The following FBXO9 variants were observed in gnomAD, a reference collection of about 807,000 sequenced individuals.
FBXO9 encodes the protein F-box protein 9, also known as F-box only protein 9.
In FBXO9, 43 loss-of-function variants were observed where a neutral mutation model predicts 63.7. The observed-to-expected ratio is 0.67, with a 90% CI of 0.53 to 0.87. The LOEUF (loss-of-function observed/expected upper bound fraction) is 0.87, where lower values mean the gene tolerates loss of function less well. Among genes scored for constraint, FBXO9 ranks in the 40% least tolerant of loss-of-function variants. The pLI is 0.00. For synonymous variants in FBXO9, 156 were observed against 171.7 expected (o/e 0.91, Z 0.72); for missense variants, 442 against 533.2 (o/e 0.83, Z 1.68).
intron 7 of FBXO9, among the ~76,000 whole-genome samples, chr6:53,090,342 T>C (rs1258505029): frequency 6.6e-6 from 1 of 152,204 alleles, no homozygotes; most frequent in Admixed American, 6.5e-5. Context: ...TTGACAACTT[T>C]CATAGTTATT....
intron 7 of FBXO9, among the ~76,000 whole-genome samples, chr6:53,089,547 A>G (rs1043145242): frequency 6.6e-6 from 1 of 152,234 alleles, no homozygotes; most frequent in African/African-American, 2.4e-5. Context: ...AAAATATTAA[A>G]CTGAATGCAC....
Position 53,093,556 on chromosome 6 carries a change from T to C in FBXO9, c.954T>C (p.Asn318=). 6.2e-7 allele frequency: 1 copy of C among 1,611,288 alleles called. No homozygotes were observed. Among genetic ancestry groups the C allele is most frequent in the African/African-American group, 1.3e-5 (1 of 74,960 alleles). The change falls in exon 10 of 13, where the codon AAT becomes AAC. Residue 318 remains asparagine, a synonymous_variant. Transcript: ENST00000323557. Reference sequence around the variant, plus strand: ...TTGTTCCACGTTTAAGAACTAGGAATACCAGGTAGCATTTGTTTTTTAAAT... The same window carrying C: ...TTGTTCCACGTTTAAGAACTAGGAACACCAGGTAGCATTTGTTTTTTAAAT... The part of the protein sequence containing the change: ...QSIVPRLRTR[N]TRTDAILLGH...
chr6:53,091,582 T>C (rs2127498382), intron 7 of FBXO9: 1 of 152,516 alleles, frequency 6.6e-6, no homozygotes, highest in East Asian at 1.9e-4. Context: ...TTGGCCAGGC[T>C]GGTCTCGACC....
chr6:53,077,249 C>T (rs533582824), intron 4 of FBXO9, among the ~76,000 whole-genome samples: 29 of 151,762 alleles, frequency 1.9e-4, no homozygotes, highest in Non-Finnish European at 3.7e-4. Flanking sequence ...CCGAGGCGGG[C>T]GGATCACGAG....
At chr6:53,092,207 G>T in intron 7 of FBXO9, 1 of 452,362 alleles carries the variant, frequency 2.2e-6, no homozygotes. Flanking sequence ...TTTGTCTGTT[G>T]GTTGATTTTT....
At position 53,078,817 on chromosome 6, in the gene FBXO9, G is replaced by A; in HGVS notation, c.326G>A (p.Arg109Lys). Residue 109 changes from arginine (R) to lysine (K), a missense_variant, in exon 5 of 13, where the codon AGG becomes AAG. Arg to Lys is a conservative substitution (Grantham distance 26, BLOSUM62 2). This residue lies in a region of FBXO9 where 180 missense variants were observed against 171.1 expected (regional missense o/e 1.05). Transcript: ENST00000323557. ...ALYEAIKFYRRAMQLVPDIEF... is the reference protein window; with the variant it reads ...ALYEAIKFYRKAMQLVPDIEF... ...CTTTTAGCCATCAAGTTTTATCGTA[G>A]GGCTATGCAACTTGTACCTGATATA... The A allele has an allele frequency of 6.2e-7, 1 of 1,612,722 alleles. No individual in the cohort carries two copies. The highest frequency in any genetic ancestry group is 1.3e-5 in the African/African-American group (1 of 75,020).
chr6:53,081,463 G>C (rs577716721), intron 6 of FBXO9, among the ~76,000 whole-genome samples: 1 of 152,156 alleles, frequency 6.6e-6, no homozygotes, highest in Admixed American at 6.5e-5. Flanking sequence ...AGTAAAGACA[G>C]AGTTTCACCA....
chr6:53,080,042 A>C (rs1769253539), intron 5 of FBXO9, among the ~76,000 whole-genome samples: 1 of 152,250 alleles, frequency 6.6e-6, no homozygotes, highest in East Asian at 1.9e-4. Context: ...AGTTTTATAA[A>C]TATGTGCCAG....
intron 1 of FBXO9, among the ~76,000 whole-genome samples, chr6:53,067,204 A>G (rs1768735346): frequency 6.6e-6 from 1 of 152,338 alleles, no homozygotes; most frequent in Admixed American, 6.5e-5. Context: ...AGAATGTCAC[A>G]TGAAAAGGGA....
At position 53,095,493 on chromosome 6, in the gene FBXO9, A is replaced by G. The variant is rs376616729; in HGVS notation, c.1054-20A>G. 2 of 1,596,694 alleles carry G rather than the reference A, an allele frequency of 1.3e-6. No homozygotes were observed. Among genetic ancestry groups the G allele is most frequent in the Non-Finnish European group, 1.7e-6 (2 of 1,171,850 alleles). ...GTGAGGTAAGGTTTCATTATAACTTATGCATCTTTTCTTTTGCAGAAACCA... is the reference window on the plus strand; with the variant it reads ...GTGAGGTAAGGTTTCATTATAACTTGTGCATCTTTTCTTTTGCAGAAACCA... On this transcript the variant is annotated intron_variant, in intron 11 of 12. Transcript: ENST00000323557.
rs1763306766 is a variant in FBXO9, at chr6:53,099,949, G to A, written c.*2119G>A. The A allele has an allele frequency of 6.6e-6, 1 of 152,194 alleles. No individual in the cohort carries two copies. 9.4% of individuals were successfully genotyped at this position (152,194 alleles called of 1,614,324 possible). A position where few individuals can be genotyped will look rare whatever the true frequency, so the allele number is the denominator to read the frequency against. On this transcript the variant is annotated 3_prime_UTR_variant, in exon 13 of 13. Coordinates refer to ENST00000323557, the MANE Select transcript of FBXO9 (RefSeq NM_033480.3). ...TATATTCCTAAGGAAAGTGAGATTT[G>A]AGGAGTCCCTGTTGTTCTGCAACAT...
chr6:53,069,193 C>T (rs1768820587), intron 1 of FBXO9, among the ~76,000 whole-genome samples: 1 of 152,140 alleles, frequency 6.6e-6, no homozygotes, highest in Non-Finnish European at 1.5e-5. Flanking sequence ...TATTTTTAGC[C>T]ACCTAACAAT....
chr6:53,080,876 T>C, intron 5 of FBXO9, 92 bp from the exon 6 acceptor site: 1 of 1,466,906 alleles, frequency 6.8e-7, no homozygotes, highest in Admixed American at 2.1e-5. Context: ...TGACTTTTTG[T>C]AAAGCAAATT....
At chr6:53,066,443 A>G (rs1203408725) in intron 1 of FBXO9, among the ~76,000 whole-genome samples, 2 of 152,238 alleles carry the variant, frequency 1.3e-5, no homozygotes, top group East Asian at 3.8e-4. Flanking sequence ...ACTGTTCCAT[A>G]TTGGAATACG....
chr6:53,100,087 CT>C lies in FBXO9; in HGVS notation c.*2263del, dbSNP rs1322731230. On this transcript the variant is annotated 3_prime_UTR_variant, in exon 13 of 13. Transcript: ENST00000323557. Reference sequence around the variant, plus strand: ...TTTAACTTAGAACTGGAAAAAGTAACTTTTTTCCAGATTACATTTTCTGTAT... The same window carrying C: ...TTTAACTTAGAACTGGAAAAAGTAACTTTTTCCAGATTACATTTTCTGTAT... 1 of 152,018 alleles carries C rather than the reference CT, an allele frequency of 6.6e-6. No individual in the cohort carries two copies. The highest frequency in any genetic ancestry group is 1.5e-5 in the Non-Finnish European group (1 of 68,006). The allele number at this position is 152,018 out of a possible 1,614,324, so 9.4% of individuals were successfully genotyped here. A position where few individuals can be genotyped will look rare whatever the true frequency, so the allele number is the denominator to read the frequency against.
intron 12 of FBXO9, among the ~76,000 whole-genome samples, chr6:53,097,185 A>G (rs975841444): frequency 2.0e-5 from 3 of 152,170 alleles, no homozygotes; most frequent in Admixed American, 6.5e-5. Flanking sequence ...TGATCATGCA[A>G]TTATTAAATA....
intron 11 of FBXO9, chr6:53,094,720 A>C: frequency 2.3e-6 from 1 of 432,188 alleles, no homozygotes; most frequent in Non-Finnish European, 4.7e-6. Context: ...TGCGAGTCCT[A>C]TCACCTTGTG....
intron 1 of FBXO9, 189 bp from the exon 2 acceptor site, chr6:53,070,867 CA>C (rs1281622387): frequency 1.2e-6 from 1 of 855,762 alleles, no homozygotes; most frequent in Non-Finnish European, 1.7e-6. Context: ...ATATGCTTTT[CA>C]GACTCATTTT....
At chr6:53,068,654 G>GTT (rs55671320) in intron 1 of FBXO9, among the ~76,000 whole-genome samples, 16,233 of 132,070 alleles carry the variant, frequency 0.12, 1,595 homozygotes, top group Admixed American at 0.26. Context: ...ATATATATGT[G>GTT]TTTTTTTTTT....
Sources: allele counts gnomAD v4.1 joint callset (sites outside exome capture counted in the v4.1 genomes callset), GRCh38; gene constraint gnomAD v4.1.1; regional missense constraint gnomAD v4.1.1; transcripts MANE v1.5; gene names NCBI Gene and HGNC (gene_info 2026-07-23, HGNC 2026-07-21).